Variants in LAMA3 observed in about 807,000 individuals in gnomAD.
LAMA3 encodes laminin subunit alpha-3.
In LAMA3, 281 loss-of-function variants were observed where a neutral mutation model predicts 402.0. That is an observed-to-expected ratio of 0.70 (90% CI 0.63 to 0.77). The LOEUF is 0.77. Ranked by LOEUF, LAMA3 falls within the 30% of genes least tolerant of loss-of-function variation. The pLI is 0.00. For synonymous variants in LAMA3, 1,431 were observed against 1,558.4 expected (o/e 0.92, Z 1.93); for missense variants, 3,840 against 4,215.5 (o/e 0.91, Z 2.47).
chr18:23,951,605 T>G, intron 72 of LAMA3, 79 bp from the exon 73 acceptor site: 1 of 1,121,592 alleles, frequency 8.9e-7, no homozygotes, highest in Non-Finnish European at 1.3e-6. Flanking sequence ...TTGGCCCGGT[T>G]TGGGGAGGGA....
chr18:23,889,929 A>G lies in LAMA3; in HGVS notation c.5304-82A>G, dbSNP rs190513788. On this transcript the variant is annotated intron_variant, in intron 41 of 74. Coordinates refer to ENST00000313654, the MANE Select transcript of LAMA3 (RefSeq NM_198129.4). ...CCCATTGGGTTACAATATCCCAAAC[A>G]GAGAGCTAGAGATTGAGAAAATTGG... The G allele has an allele frequency of 2.3e-4, 230 of 1,019,586 alleles. 1 individual carries two copies. The East Asian group carries it at 5.3e-3, about 24-fold the overall frequency. The allele number at this position is 1,019,586 out of a possible 1,614,324, so 63.2% of individuals were successfully genotyped here.
intron 18 of LAMA3, among the ~76,000 whole-genome samples, chr18:23,819,292 GGCATATA>G (rs2063236546): frequency 6.6e-6 from 1 of 151,630 alleles, no homozygotes; most frequent in South Asian, 2.1e-4. Flanking sequence ...TTCATTAATA[GGCATATA>G]GTTTAAGAGA....
At chr18:23,772,162 C>G (rs2062213317) in intron 8 of LAMA3, among the ~76,000 whole-genome samples, 1 of 152,060 alleles carries the variant, frequency 6.6e-6, no homozygotes, top group Admixed American at 6.5e-5. Flanking sequence ...CTGCCTCAGC[C>G]TGCTGAGTAG....
intron 41 of LAMA3, among the ~76,000 whole-genome samples, chr18:23,889,565 A>AAAAG (rs1218218139): frequency 2.6e-5 from 4 of 151,288 alleles, no homozygotes; most frequent in African/African-American, 7.3e-5. Flanking sequence ...GTCAAGAAAG[A>AAAAG]AAAGAAAGAA....
At chr18:23,913,599 T>C (rs2081509622) in intron 56 of LAMA3, among the ~76,000 whole-genome samples, 2 of 152,240 alleles carry the variant, frequency 1.3e-5, no homozygotes, top group African/African-American at 2.4e-5. Context: ...GCTTGAAATA[T>C]GGTTCTCAAA....
Position 23,813,041 on chromosome 18 carries a change from T to C in LAMA3, c.1742-16T>C, listed in dbSNP as rs914944432. 4 of 1,585,184 alleles carry C rather than the reference T, an allele frequency of 2.5e-6. No homozygotes were observed. In the African/African-American group the frequency reaches 5.4e-5, roughly 21 times the overall value. ...CAAACTACCAGATAATTTAAAAATT[T>C]CTGAATCATATTCAGGTTCCAGCAG... is the stretch of plus-strand genomic sequence containing the variant. On this transcript the variant is annotated splice_polypyrimidine_tract_variant and intron_variant, in intron 13 of 74. Coordinates refer to ENST00000313654, the MANE Select transcript of LAMA3 (RefSeq NM_198129.4).
At chr18:23,697,414 T>C (rs1485696026) in intron 1 of LAMA3, among the ~76,000 whole-genome samples, 1 of 152,146 alleles carries the variant, frequency 6.6e-6, no homozygotes, top group Non-Finnish European at 1.5e-5. Flanking sequence ...GCCTCTCATA[T>C]ACATATCTGC....
At chr18:23,820,029 T>C in intron 19 of LAMA3, 32 bp downstream of exon 19, 1 of 1,612,596 alleles carries the variant, frequency 6.2e-7, no homozygotes. Flanking sequence ...GCTTCATGGC[T>C]GAGTAGCTCA....
chr18:23,905,456 G>C lies in LAMA3; in HGVS notation c.6616-66G>C, dbSNP rs563743394. On this transcript the variant is annotated intron_variant, in intron 51 of 74. Transcript: ENST00000313654. ...AAATTAAGGGCTTCAGACTAGGATA[G>C]AAATCTTATTCCATATTTCGTAACA... 1.9e-5 allele frequency: 17 copies of C among 916,438 alleles called. No homozygotes were observed. In the East Asian group the frequency reaches 4.2e-4, roughly 23 times the overall value. 56.8% of individuals were successfully genotyped at this position (916,438 alleles called of 1,614,324 possible). A position where few individuals can be genotyped will look rare whatever the true frequency, so the allele number is the denominator to read the frequency against.
chr18:23,894,180 T>C (rs1225784817), intron 42 of LAMA3, 118 bp from the exon 43 acceptor site: 1 of 798,738 alleles, frequency 1.3e-6, no homozygotes, highest in Non-Finnish European at 2.2e-6. Context: ...AAACCACAAT[T>C]ACTTTTGCAC....
chr18:23,873,252 G>A, intron 38 of LAMA3: 2 of 1,548,176 alleles, frequency 1.3e-6, no homozygotes, highest in Non-Finnish European at 1.8e-6. Flanking sequence ...TGATAGGGAA[G>A]AGTTTCCAGC....
At chr18:23,872,896 G>A in intron 38 of LAMA3, 2 of 823,448 alleles carry the variant, frequency 2.4e-6, no homozygotes, top group Non-Finnish European at 4.0e-6. Flanking sequence ...GGCACAGGCT[G>A]ACTCATGTGT....
intron 2 of LAMA3, among the ~76,000 whole-genome samples, chr18:23,720,757 A>G (rs2061196219): frequency 6.6e-6 from 1 of 152,196 alleles, no homozygotes; most frequent in South Asian, 2.1e-4. Flanking sequence ...GGGATAGAAT[A>G]TTATCCTTTA....
chr18:23,950,165 T>C lies in LAMA3; in HGVS notation c.9642+6T>C. The C allele has an allele frequency of 6.2e-7, 1 of 1,614,000 alleles. No individual in the cohort carries two copies. Among genetic ancestry groups the C allele is most frequent in the Non-Finnish European group, 8.5e-7 (1 of 1,179,972 alleles). ...TTTACCTGGAGGCAGGAAAGGTGTG[T>C]AGCAGTCTGATGCCATGGGGAGGGT... On this transcript the variant is annotated splice_donor_region_variant and intron_variant, in intron 72 of 74. Coordinates refer to ENST00000313654, the MANE Select transcript of LAMA3 (RefSeq NM_198129.4).
rs114809348 is a variant in LAMA3 at position 23,920,783 on chromosome 18, G to A, written c.7924-152G>A. The A allele has an allele frequency of 7.0e-5, 61 of 865,670 alleles. No homozygotes were observed. In the African/African-American group the frequency reaches 9.2e-4, roughly 13 times the overall value. The allele number at this position is 865,670 out of a possible 1,614,324, so 53.6% of individuals were successfully genotyped here. On this transcript the variant is annotated intron_variant, in intron 60 of 74. Coordinates refer to ENST00000313654, the MANE Select transcript of LAMA3 (RefSeq NM_198129.4). ...CAGTATTGAACCATCATCCCATCCC[G>A]TGAGGTTGCTGTTGCAGCACCATTA...
intron 66 of LAMA3, chr18:23,932,514 ACC>A: frequency 2.1e-6 from 1 of 482,066 alleles, no homozygotes; most frequent in Non-Finnish European, 3.8e-6. Context: ...TTAGCATGTA[ACC>A]TTGGAAAAGA....
chr18:23,908,689 A>G (rs2081336561), intron 54 of LAMA3, among the ~76,000 whole-genome samples: 1 of 151,940 alleles, frequency 6.6e-6, no homozygotes, highest in Non-Finnish European at 1.5e-5. Context: ...TCCTCAGGGG[A>G]TATGTTCCAA....
At position 23,749,648 on chromosome 18, in the gene LAMA3, C is replaced by T. The variant is rs1329149980; in HGVS notation, c.684+102C>T. The T allele has an allele frequency of 1.2e-5, 10 of 805,680 alleles. 1 individual carries two copies. The highest frequency in any genetic ancestry group is 1.2e-4 in the Admixed American group (7 of 58,836). 49.9% of individuals were successfully genotyped at this position (805,680 alleles called of 1,614,324 possible). A position where few individuals can be genotyped will look rare whatever the true frequency, so the allele number is the denominator to read the frequency against. ...AACTTGCACTTTCAAGGACATCTAA[C>T]ATAGATCAAGATGGAAACAGGGCTT... On this transcript the variant is annotated intron_variant, in intron 4 of 74. Coordinates refer to ENST00000313654, the MANE Select transcript of LAMA3 (RefSeq NM_198129.4).
rs377154634 is a variant in LAMA3 at position 23,815,206 on chromosome 18, C to T, written c.1907C>T (p.Ala636Val). ...TCCACAGAATGCAAGTGCCATAAGG[C>T]GGGAACAGTGAGTGGAACTGGAGAG... ...SGCSECKCHK[A>V]GTVSGTGECR... Residue 636 changes from alanine (A) to valine (V), a missense_variant, in exon 16 of 75, where the codon GCG (alanine) becomes GTG (valine). Around this residue, in one of 3 missense-constraint regions of LAMA3, gnomAD observed 2,109 missense variants for 2,376.0 expected, o/e 0.89. Coordinates refer to ENST00000313654, the MANE Select transcript of LAMA3 (RefSeq NM_198129.4). The T allele has an allele frequency of 1.5e-5, 25 of 1,613,964 alleles. No individual in the cohort carries two copies. The highest frequency in any genetic ancestry group is 6.7e-5 in the Admixed American group (4 of 60,002).
Sources: gnomAD v4.1 joint callset for allele counts (sites outside exome capture counted in the v4.1 genomes callset) on GRCh38, gnomAD v4.1.1 for gene constraint, gnomAD v4.1.1 regional missense constraint, MANE v1.5 for transcripts, NCBI Gene and HGNC (gene_info 2026-07-23, HGNC 2026-07-21) for gene names.